VSX2: variants seen among roughly 807,000 people sequenced by gnomAD.
VSX2 encodes visual system homeobox 2, also known as ceh-10 homeo domain containing homolog.
In VSX2, 28 loss-of-function variants were observed where a neutral mutation model predicts 32.1. The observed-to-expected ratio is 0.87, with a 90% CI of 0.65 to 1.20. VSX2 has a LOEUF of 1.20. Ranked by LOEUF, VSX2 falls within the 50% of genes most tolerant of loss-of-function variation. The pLI is 0.00. For synonymous variants in VSX2, 243 were observed against 214.1 expected, an observed-to-expected ratio of 1.14 and a Z score of -1.18; for missense variants, 506 against 488.7, an observed-to-expected ratio of 1.04 and a Z score of -0.33.
chr14:74,260,729 AGG>A lies in VSX2; in HGVS notation c.897_898del (p.Glu300ThrfsTer45). 5 of 1,593,092 alleles carry A rather than the reference AGG, an allele frequency of 3.1e-6. No individual in the cohort carries two copies. The highest frequency in any genetic ancestry group is 3.4e-6 in the Non-Finnish European group (4 of 1,170,156). On this transcript the variant is annotated frameshift_variant, in exon 5 of 5. Transcript: ENST00000261980. LOFTEE classifies it high-confidence loss of function. Reference sequence around the variant, plus strand: ...GACGCTCAGGCGGCCATCTCCCAGGAGGAACTGAGGGAGAACAGCATTGCGGT... The same window carrying A: ...GACGCTCAGGCGGCCATCTCCCAGGAAACTGAGGGAGAACAGCATTGCGGT...
At chr14:74,246,607 G>A (rs941883490) in intron 3 of VSX2, among the ~76,000 whole-genome samples, 3 of 152,238 alleles carry the variant, frequency 2.0e-5, no homozygotes, top group Non-Finnish European at 4.4e-5. Flanking sequence ...AATTGTGTGT[G>A]TGCACGTGTG....
intron 3 of VSX2, among the ~76,000 whole-genome samples, chr14:74,252,138 T>A (rs75842911): frequency 6.6e-6 from 1 of 152,330 alleles, no homozygotes; most frequent in East Asian, 1.9e-4. Flanking sequence ...GGACAGCAGC[T>A]ATGTGATGAT....
In VSX2 at chr14:74,261,134, C is replaced by A. The variant is rs1440883171; in HGVS notation, c.*215C>A. 5.1e-6 allele frequency: 3 copies of A among 591,064 alleles called. No individual in the cohort carries two copies. Among genetic ancestry groups the A allele is most frequent in the Non-Finnish European group, 6.0e-6 (2 of 336,016 alleles). The allele number at this position is 591,064 out of a possible 1,614,324, so 36.6% of individuals were successfully genotyped here. A position where few individuals can be genotyped will look rare whatever the true frequency, so the allele number is the denominator to read the frequency against. The stretch of plus-strand genomic sequence containing the variant: ...CCTCATCTAGTCTTGACCTCTCCAG[C>A]ATCCCAGCCTCAGAAGCCTTCTTGC... On this transcript the variant is annotated 3_prime_UTR_variant, in exon 5 of 5. Transcript: ENST00000261980.
chr14:74,240,716 T>C (rs2079144034), intron 1 of VSX2, among the ~76,000 whole-genome samples: 1 of 152,098 alleles, frequency 6.6e-6, no homozygotes, highest in South Asian at 2.1e-4. Flanking sequence ...TAGGGACGCA[T>C]TGTGCCGCCT....
chr14:74,245,052 C>T, intron 2 of VSX2, 113 bp from the exon 3 acceptor site: 1 of 1,314,618 alleles, frequency 7.6e-7, no homozygotes, highest in Middle Eastern at 2.6e-4. Context: ...TTGTGCTGAG[C>T]CAGCCTGGGT....
intron 3 of VSX2, among the ~76,000 whole-genome samples, chr14:74,248,903 C>G (rs989854658): frequency 3.9e-5 from 6 of 152,170 alleles, no homozygotes; most frequent in Admixed American, 3.3e-4. Flanking sequence ...GAGTATTCCC[C>G]CACCACAAGC....
intron 3 of VSX2, among the ~76,000 whole-genome samples, chr14:74,254,076 TC>T (rs2079246572): frequency 6.6e-6 from 1 of 152,004 alleles, no homozygotes; most frequent in African/African-American, 2.4e-5. Context: ...GTGTAGGTGT[TC>T]CCCTGTACTG....
In VSX2 at chr14:74,260,856, G is replaced by A. The variant is rs144219756; in HGVS notation, c.1023G>A (p.Glu341=). 2.4e-5 allele frequency: 37 copies of A among 1,568,266 alleles called. No individual in the cohort carries two copies. Among genetic ancestry groups the A allele is most frequent in the Non-Finnish European group, 2.9e-5 (33 of 1,156,850 alleles). Residue 341 remains glutamate (E), a synonymous_variant, in exon 5 of 5, where the codon GAG becomes GAA. Coordinates refer to ENST00000261980, the MANE Select transcript of VSX2 (RefSeq NM_182894.3). ...GTACCGAGAAGCCAGAGGAGGAGGA[G>A]GCCATGGATGAAGACAGGCCGGCGG... ...ARSTEKPEEE[E]AMDEDRPAER...
chr14:74,251,146 C>T (rs987415899), intron 3 of VSX2, among the ~76,000 whole-genome samples: 3 of 151,928 alleles, frequency 2.0e-5, no homozygotes, highest in Non-Finnish European at 4.4e-5. Context: ...GAAACCTCGT[C>T]TCTACTAAAA....
In VSX2 at chr14:74,240,014, C is replaced by A. The variant is rs963301029; in HGVS notation, c.370+83C>A. 6 of 1,502,362 alleles carry A rather than the reference C, an allele frequency of 4.0e-6. No homozygotes were observed. The African/African-American group carries it at 4.2e-5, about 11-fold the overall frequency. The allele number at this position is 1,502,362 out of a possible 1,614,324, so 93.1% of individuals were successfully genotyped here. On this transcript the variant is annotated intron_variant, in intron 1 of 4. Transcript: ENST00000261980. ...CGCCGTCGGCTCTCGCTTGCTGGAC[C>A]AGGCCTCCAGGCGGAAAAGTTCCTG...
rs2079304916 is a variant in VSX2 at position 74,261,165 on chromosome 14, A to G, written c.*246A>G. 1 of 565,442 alleles carries G rather than the reference A, an allele frequency of 1.8e-6. No homozygotes were observed. The highest frequency in any genetic ancestry group is 1.9e-5 in the African/African-American group (1 of 53,522). 35.0% of individuals were successfully genotyped at this position (565,442 alleles called of 1,614,324 possible). On this transcript the variant is annotated 3_prime_UTR_variant, in exon 5 of 5. Transcript: ENST00000261980. ...AGCCTCAGAAGCCTTCTTGCTGCCC[A>G]CAACGTCCCCTCAAGCCCCTTCTCT...
intron 2 of VSX2, among the ~76,000 whole-genome samples, 174 bp from the exon 3 acceptor site, chr14:74,244,981 TGAGAGAGAGA>T (rs60714663): frequency 1.1e-4 from 4 of 37,604 alleles, no homozygotes; most frequent in African/African-American, 2.5e-4. Context: ...TGTGTGTGTG[TGAGAGAGAGA>T]GAGAGAGAGA....
chr14:74,241,271 G>C lies in VSX2; in HGVS notation c.455+5G>C. ...ACGGAAGAAGCGGCGACACAGGTGA[G>C]GCCCCCGCTTTCTGTTACCTCTCCT... On this transcript the variant is annotated splice_donor_5th_base_variant and intron_variant, in intron 2 of 4. Coordinates refer to ENST00000261980, the MANE Select transcript of VSX2 (RefSeq NM_182894.3). 6.2e-7 allele frequency: 1 copy of C among 1,612,448 alleles called. No homozygotes were observed.
At chr14:74,259,861 A>T (rs1187290691) in intron 4 of VSX2, 79 bp downstream of exon 4, 1 of 1,455,482 alleles carries the variant, frequency 6.9e-7, no homozygotes, top group African/African-American at 1.4e-5. Context: ...CAGAGCCTTG[A>T]GGCAGGGGCA....
intron 2 of VSX2, among the ~76,000 whole-genome samples, chr14:74,243,256 G>A (rs1432387075): frequency 6.6e-6 from 1 of 152,126 alleles, no homozygotes; most frequent in Non-Finnish European, 1.5e-5. Flanking sequence ...AAGCAGCCAC[G>A]GTGAGAGTCT....
At chr14:74,253,935 AG>A (rs2079245508) in intron 3 of VSX2, among the ~76,000 whole-genome samples, 1 of 152,094 alleles carries the variant, frequency 6.6e-6, no homozygotes, top group African/African-American at 2.4e-5. Context: ...CGTCAAAAAA[AG>A]AAAGTAAAGA....
chr14:74,240,583 G>A (rs2079142659), intron 1 of VSX2, among the ~76,000 whole-genome samples: 1 of 152,142 alleles, frequency 6.6e-6, no homozygotes, highest in Non-Finnish European at 1.5e-5. Flanking sequence ...GTGTGTCGCG[G>A]CCCGCTCGAA....
chr14:74,256,807 G>C (rs920282954), intron 3 of VSX2, among the ~76,000 whole-genome samples: 10 of 151,498 alleles, frequency 6.6e-5, no homozygotes, highest in African/African-American at 2.4e-4. Flanking sequence ...CTGAGTAGCT[G>C]GGATTACAGG....
intron 2 of VSX2, among the ~76,000 whole-genome samples, chr14:74,243,193 A>G (rs1467352148): frequency 6.6e-6 from 1 of 152,170 alleles, no homozygotes; most frequent in East Asian, 1.9e-4. Flanking sequence ...GCTTATTTTT[A>G]TCTCCCAGAA....
Sources: gnomAD v4.1 joint callset for allele counts (sites outside exome capture counted in the v4.1 genomes callset) on GRCh38, gnomAD v4.1.1 for gene constraint, MANE v1.5 for transcripts, NCBI Gene and HGNC (gene_info 2026-07-23, HGNC 2026-07-21) for gene names.